Variants in OR3A3 observed in about 807,000 individuals in gnomAD.
OR3A3 encodes the protein olfactory receptor family 3 subfamily A member 3, also known as olfactory receptor 3A3.
For missense variants in OR3A3, 275 were observed against 391.4 expected, an observed-to-expected ratio of 0.70 and a Z score of 2.51; for synonymous variants, 103 against 163.9, an observed-to-expected ratio of 0.63 and a Z score of 2.84.
At chr17:3,421,334 T>C (rs2072433375) in exon 3 of OR3A3, 1 of 1,614,160 alleles carries the variant, frequency 6.2e-7, no homozygotes, top group South Asian at 1.1e-5. Flanking sequence ...CACCTCACTG[T>C]GGTGGGCATC....
At chr17:3,417,549 G>A (rs2072399951) in intron 2 of OR3A3, among the ~76,000 whole-genome samples, 1 of 151,936 alleles carries the variant, frequency 6.6e-6, no homozygotes. Context: ...CTCTTTGTTG[G>A]CTGAAGTTTA....
At chr17:3,412,687 G>A (rs1388774907) in intron 2 of OR3A3, among the ~76,000 whole-genome samples, 2 of 151,576 alleles carry the variant, frequency 1.3e-5, no homozygotes, top group East Asian at 3.9e-4. Context: ...CTGAGGGTTG[G>A]CAACAGCTGT....
exon 3 of OR3A3, chr17:3,421,757 G>A (rs1485331808): frequency 2.2e-6 from 1 of 464,768 alleles, no homozygotes; most frequent in East Asian, 3.6e-5. Flanking sequence ...GGGCATTGGT[G>A]AGCAAAATGG....
intron 2 of OR3A3, among the ~76,000 whole-genome samples, chr17:3,415,031 A>G (rs1318023607): frequency 6.6e-6 from 1 of 152,120 alleles, no homozygotes; most frequent in Non-Finnish European, 1.5e-5. Flanking sequence ...TGTTTATTAT[A>G]TGTGTATGTG....
chr17:3,419,116 C>G (rs975708722), intron 2 of OR3A3, among the ~76,000 whole-genome samples: 38 of 152,256 alleles, frequency 2.5e-4, no homozygotes, highest in Middle Eastern at 6.8e-3. Context: ...TAGTCAAAGT[C>G]CAGTGTAAGG....
chr17:3,419,800 C>G (rs2072416097), intron 2 of OR3A3, among the ~76,000 whole-genome samples: 1 of 136,066 alleles, frequency 7.3e-6, no homozygotes, highest in African/African-American at 2.7e-5. Flanking sequence ...GTGGCGCGAT[C>G]TCGGCTCACT....
At chr17:3,419,818 C>T (rs926805107) in intron 2 of OR3A3, among the ~76,000 whole-genome samples, 65 of 150,770 alleles carry the variant, frequency 4.3e-4, no homozygotes, top group African/African-American at 1.5e-3. Flanking sequence ...ACTGCAAGCT[C>T]CACCTCCTGG....
chr17:3,417,232 T>A (rs1462445896), intron 2 of OR3A3, among the ~76,000 whole-genome samples: 1 of 152,152 alleles, frequency 6.6e-6, no homozygotes, highest in Non-Finnish European at 1.5e-5. Flanking sequence ...TTCCTTTAGA[T>A]TTTCTTAAAT....
At chr17:3,419,557 G>A (rs2072413221) in intron 2 of OR3A3, among the ~76,000 whole-genome samples, 1 of 152,032 alleles carries the variant, frequency 6.6e-6, no homozygotes, top group South Asian at 2.1e-4. Flanking sequence ...TTGAAGGGAT[G>A]GCTATGTTAA....
intron 2 of OR3A3, among the ~76,000 whole-genome samples, chr17:3,412,931 C>A (rs533737287): frequency 3.9e-5 from 6 of 152,272 alleles, no homozygotes; most frequent in Middle Eastern, 3.4e-3. Flanking sequence ...TTAATGTGTC[C>A]GGAAAGTCTT....
chr17:3,416,002 G>A (rs1359713348), intron 2 of OR3A3, among the ~76,000 whole-genome samples: 1 of 151,654 alleles, frequency 6.6e-6, no homozygotes, highest in East Asian at 1.9e-4. Context: ...GATAGAGATG[G>A]GGTTTCACCA....
At chr17:3,416,029 G>A (rs2150680711) in intron 2 of OR3A3, among the ~76,000 whole-genome samples, 1 of 151,772 alleles carries the variant, frequency 6.6e-6, no homozygotes, top group African/African-American at 2.4e-5. Flanking sequence ...CCAGGCTGTT[G>A]TCAAACTCTT....
chr17:3,414,119 T>C (rs1011584903), intron 2 of OR3A3, among the ~76,000 whole-genome samples: 13 of 152,116 alleles, frequency 8.5e-5, no homozygotes, highest in African/African-American at 2.7e-4. Context: ...TCGCCCAGGC[T>C]GGAGTGCAGT....
intron 2 of OR3A3, among the ~76,000 whole-genome samples, chr17:3,418,736 TAG>T (rs1371750954): frequency 6.6e-6 from 1 of 152,166 alleles, no homozygotes; most frequent in Non-Finnish European, 1.5e-5. Flanking sequence ...CCCTTTCTGT[TAG>T]AGTTATCAGA....
intron 2 of OR3A3, among the ~76,000 whole-genome samples, chr17:3,419,290 C>G (rs993407776): frequency 1.3e-5 from 2 of 152,178 alleles, no homozygotes; most frequent in Admixed American, 6.5e-5. Context: ...TTCACTTGAT[C>G]TTCACTATTT....
At chr17:3,421,304 CCTT>C in exon 3 of OR3A3, 1 of 1,614,212 alleles carries the variant, frequency 6.2e-7, no homozygotes, top group Non-Finnish European at 8.5e-7. Context: ...AGAAAGAAGG[CCTT>C]CTCCACATGT....
At chr17:3,416,769 G>A (rs955429404) in intron 2 of OR3A3, among the ~76,000 whole-genome samples, 4 of 152,024 alleles carry the variant, frequency 2.6e-5, no homozygotes, top group Admixed American at 2.0e-4. Context: ...ATAAAACAAT[G>A]TGTAAGGATC....
At chr17:3,422,747 C>T (rs1361380530) in exon 3 of OR3A3, 2 of 152,454 alleles carry the variant, frequency 1.3e-5, no homozygotes, top group Non-Finnish European at 2.9e-5. Context: ...CATGGGTGCA[C>T]CTGAACCTTG....
At chr17:3,421,390 G>C (rs751826914) in exon 3 of OR3A3, 1 of 1,614,156 alleles carries the variant, frequency 6.2e-7, no homozygotes, top group Non-Finnish European at 8.5e-7. Context: ...GGGTTCAGTG[G>C]AATCTTCAGA....
Sources: gnomAD v4.1 joint callset for allele counts (sites outside exome capture counted in the v4.1 genomes callset) on GRCh38, gnomAD v4.1.1 for gene constraint, MANE v1.5 for transcripts, NCBI Gene and HGNC (gene_info 2026-07-23, HGNC 2026-07-21) for gene names.